RSU1: variants seen among roughly 807,000 people sequenced by gnomAD.
The protein encoded by RSU1 is Ras suppressor protein 1.
RSU1 carries 26 observed loss-of-function variants against 31.1 expected under a neutral mutation model. The ratio of observed to expected loss-of-function variants is 0.84; its 90% CI spans 0.61 to 1.16. The LOEUF is 1.16. Ranked by LOEUF, RSU1 falls within the 50% of genes most tolerant of loss-of-function variation. The probability of loss-of-function intolerance (pLI) is 0.00; values close to 1 mark genes in which losing one functional copy is unlikely to be tolerated. For synonymous variants in RSU1, 164 were observed against 136.3 expected (o/e 1.20, Z -1.41); for missense variants, 320 against 339.1 (o/e 0.94, Z 0.44).
chr10:16,699,549 C>T (rs1033019121), intron 7 of RSU1, among the ~76,000 whole-genome samples: 3 of 152,352 alleles, frequency 2.0e-5, no homozygotes, highest in South Asian at 2.1e-4. Flanking sequence ...AGCCTGCAAT[C>T]GCTCTGACGC....
chr10:16,723,007 CACAA>C lies in RSU1; in HGVS notation c.599-27856_599-27853del, dbSNP rs56692944. On this transcript the variant is annotated intron_variant, in intron 7 of 8. Transcript: ENST00000345264. ...ACACATATACATATATGCATATAGA[CACAA>C]ACATACACACATATATGTATATGTA... is the stretch of plus-strand genomic sequence containing the variant. 4.3e-3 allele frequency: 633 copies of C among 148,276 alleles called. 5 individuals are homozygous for C. The highest frequency in any genetic ancestry group is 0.014 in the African/African-American group (577 of 40,330). The allele number at this position is 148,276 out of a possible 1,614,324, so 9.2% of individuals were successfully genotyped here.
intron 7 of RSU1, among the ~76,000 whole-genome samples, chr10:16,708,156 C>T (rs569691123): frequency 6.6e-6 from 1 of 152,138 alleles, no homozygotes; most frequent in East Asian, 1.9e-4. Context: ...TTTTGACTTC[C>T]CCCAAAAAAC....
At chr10:16,622,852 C>T (rs1320863692) in intron 8 of RSU1, among the ~76,000 whole-genome samples, 2 of 152,298 alleles carry the variant, frequency 1.3e-5, no homozygotes, top group African/African-American at 2.4e-5. Context: ...CTGAACAGGA[C>T]CCACAGCGCT....
At chr10:16,755,292 T>A (rs114993704) in intron 4 of RSU1, among the ~76,000 whole-genome samples, 3,171 of 152,074 alleles carry the variant, frequency 0.021, 125 homozygotes, top group African/African-American at 0.072. Flanking sequence ...CCTGCTAATG[T>A]TTGTATTTTT....
intron 7 of RSU1, among the ~76,000 whole-genome samples, chr10:16,712,430 G>A (rs926080800): frequency 5.9e-5 from 9 of 151,736 alleles, no homozygotes; most frequent in Admixed American, 5.3e-4. Context: ...TTTCCTTCGC[G>A]GTTTGGTGGT....
rs117822524 is a variant in RSU1, at chr10:16,673,988, A to G, written c.731+21035T>C. On this transcript the variant is annotated intron_variant, in intron 8 of 8. Coordinates refer to ENST00000345264, the MANE Select transcript of RSU1 (RefSeq NM_012425.4). ...AGGCTCTTTCACACCATCGTGATGG[A>G]ACACAAAAGCAACACCTGCATCCTG... Among the ~76,000 whole-genome samples the G allele has an allele frequency of 9.9e-4, 150 of 152,262 alleles. 1 individual carries two copies. The highest frequency in any genetic ancestry group is 1.9e-3 in the Non-Finnish European group (130 of 68,032).
chr10:16,640,911 A>G (rs1353591193), intron 8 of RSU1, among the ~76,000 whole-genome samples: 1 of 152,244 alleles, frequency 6.6e-6, no homozygotes, highest in Non-Finnish European at 1.5e-5. Flanking sequence ...TTCTGAGGCA[A>G]TGCTGCGACT....
At chr10:16,702,599 G>A (rs1007744498) in intron 7 of RSU1, among the ~76,000 whole-genome samples, 12 of 152,206 alleles carry the variant, frequency 7.9e-5, no homozygotes, top group South Asian at 4.1e-4. Flanking sequence ...CATGGGAGCT[G>A]TAGCCCCTTT....
At chr10:16,706,761 T>G (rs1835912028) in intron 7 of RSU1, among the ~76,000 whole-genome samples, 1 of 152,186 alleles carries the variant, frequency 6.6e-6, no homozygotes, top group South Asian at 2.1e-4. Flanking sequence ...AGCTGTTTCC[T>G]AATATACAAT....
At chr10:16,775,236 T>TC (rs1837503585) in intron 3 of RSU1, among the ~76,000 whole-genome samples, 1 of 152,142 alleles carries the variant, frequency 6.6e-6, no homozygotes, top group African/African-American at 2.4e-5. Context: ...TTCTGTTTGA[T>TC]AGACATTCTA....
chr10:16,643,511 A>G (rs7093630), intron 8 of RSU1, among the ~76,000 whole-genome samples: 51,921 of 151,920 alleles, frequency 0.34, 9,830 homozygotes, highest in African/African-American at 0.5. Context: ...TGGAACTCTT[A>G]TTGCCTTACT....
At chr10:16,755,489 T>C (rs1179069121) in intron 4 of RSU1, among the ~76,000 whole-genome samples, 4 of 152,094 alleles carry the variant, frequency 2.6e-5, no homozygotes, top group African/African-American at 7.2e-5. Context: ...TACATACTTA[T>C]GGTGTACAAC....
chr10:16,731,015 G>C (rs1836500899), intron 7 of RSU1, among the ~76,000 whole-genome samples: 1 of 151,826 alleles, frequency 6.6e-6, no homozygotes, highest in Non-Finnish European at 1.5e-5. Context: ...GTAGAGATGG[G>C]GTTTCACCAT....
At chr10:16,764,606 G>C (rs1837276579) in intron 3 of RSU1, 96 bp from the exon 4 acceptor site, 1 of 1,330,052 alleles carries the variant, frequency 7.5e-7, no homozygotes, top group Non-Finnish European at 1.0e-6. Context: ...AGCAAAGAAA[G>C]ACATAACTTC....
intron 2 of RSU1, among the ~76,000 whole-genome samples, chr10:16,786,552 G>A (rs1000879252): frequency 2.6e-5 from 4 of 151,802 alleles, no homozygotes; most frequent in Admixed American, 2.0e-4. Context: ...CTTTGGGGTG[G>A]GGGGGAGTCA....
Position 16,593,254 on chromosome 10 carries a change from G to C in RSU1, c.*140C>G, listed in dbSNP as rs750067352. On this transcript the variant is annotated 3_prime_UTR_variant, in exon 9 of 9. Coordinates refer to ENST00000345264, the MANE Select transcript of RSU1 (RefSeq NM_012425.4). ...GCAAAAGAATCTAAAAGGTAAGGTG[G>C]GAAGCATTAGAAAGAGAGTGAAAAG... is the stretch of plus-strand genomic sequence containing the variant. 7.0e-7 allele frequency: 1 copy of C among 1,430,596 alleles called. No individual in the cohort carries two copies. Among genetic ancestry groups the C allele is most frequent in the Admixed American group, 2.6e-5 (1 of 37,960 alleles). The allele number at this position is 1,430,596 out of a possible 1,614,324, so 88.6% of individuals were successfully genotyped here.
At chr10:16,766,366 C>T (rs1038910247) in intron 3 of RSU1, among the ~76,000 whole-genome samples, 17 of 152,194 alleles carry the variant, frequency 1.1e-4, no homozygotes, top group Non-Finnish European at 2.5e-4. Flanking sequence ...GGTGCACAGT[C>T]CATGGAACAC....
intron 7 of RSU1, among the ~76,000 whole-genome samples, chr10:16,713,944 CT>C (rs1345227470): frequency 2.0e-5 from 3 of 152,166 alleles, no homozygotes; most frequent in African/African-American, 7.2e-5. Flanking sequence ...GTTTTTTCAG[CT>C]GCAATCTTCA....
Position 16,730,009 on chromosome 10 carries a change from A to G in RSU1, c.598+22530T>C, listed in dbSNP as rs117244276. 4.1e-3 allele frequency among the ~76,000 whole-genome samples: 618 copies of G among 152,362 alleles called. 4 individuals carry two copies. The East Asian group carries it at 0.047, about 12-fold the overall frequency. ...TGGCTCCTGGTTCCACAGGCTGCAC[A>G]AGAAGCATGGCGCCAGCATCTGCTT... On this transcript the variant is annotated intron_variant, in intron 7 of 8. Transcript: ENST00000345264.
Sources: allele counts gnomAD v4.1 joint callset (sites outside exome capture counted in the v4.1 genomes callset), GRCh38; gene constraint gnomAD v4.1.1; transcripts MANE v1.5; gene names NCBI Gene and HGNC (gene_info 2026-07-23, HGNC 2026-07-21).